C3orf52: variants seen among roughly 807,000 people sequenced by gnomAD.
C3orf52 encodes TPA-induced transmembrane protein.
Under a neutral mutation model 24.8 loss-of-function variants are expected in C3orf52, and 22 were observed. That is an observed-to-expected ratio of 0.89 (90% CI 0.63 to 1.27). C3orf52 has a LOEUF of 1.27. C3orf52 is among the 50% of genes most tolerant of loss of function. The probability of loss-of-function intolerance (pLI) is 0.00; values close to 1 mark genes in which losing one functional copy is unlikely to be tolerated. For missense variants in C3orf52, 265 were observed against 260.7 expected (o/e 1.02, Z -0.11); for synonymous variants, 93 against 100.2 (o/e 0.93, Z 0.43).
intron 1 of C3orf52, among the ~76,000 whole-genome samples, chr3:112,092,074 C>T (rs1253225687): frequency 6.6e-6 from 1 of 151,328 alleles, no homozygotes; most frequent in African/African-American, 2.4e-5. Flanking sequence ...CGGTCAGGAG[C>T]GAGTCTCCTC....
In C3orf52 at chr3:112,126,757, C is replaced by T. The variant is rs2074329934; in HGVS notation, c.*47-1476C>T. Among the ~76,000 whole-genome samples the T allele has an allele frequency of 2.6e-5, 4 of 152,316 alleles. No homozygotes were observed. In the South Asian group the frequency reaches 8.3e-4, roughly 32 times the overall value. ...CTTGCCCCCAGTTACTGCCTTCAGCCTCCAGGCCTCAGGCACTAACTGAGG... is the reference window on the plus strand; with the variant it reads ...CTTGCCCCCAGTTACTGCCTTCAGCTTCCAGGCCTCAGGCACTAACTGAGG... On this transcript the variant is annotated intron_variant, in intron 4 of 4. Coordinates refer to the C3orf52 transcript ENST00000480282.
At chr3:112,114,092 C>T (rs1056845623) in intron 5 of C3orf52, among the ~76,000 whole-genome samples, 2 of 152,122 alleles carry the variant, frequency 1.3e-5, no homozygotes, top group African/African-American at 2.4e-5. Flanking sequence ...GGTGCATTAA[C>T]GGTCTAGAAT....
chr3:112,101,775 T>A (rs2073973850), intron 2 of C3orf52, among the ~76,000 whole-genome samples: 1 of 152,218 alleles, frequency 6.6e-6, no homozygotes, highest in Non-Finnish European at 1.5e-5. Context: ...TCTTAAAGTC[T>A]ATGGCAATAT....
At chr3:112,121,088 A>G (rs1244374155), downstream of C3orf52, 7 of 152,328 alleles carry the variant, frequency 4.6e-5, no homozygotes, top group East Asian at 5.8e-4. Context: ...TAATTACATT[A>G]TAAGAACAAC....
intron 4 of C3orf52, chr3:112,125,278 T>C: frequency 6.5e-7 from 1 of 1,532,520 alleles, no homozygotes; most frequent in East Asian, 2.2e-5. Flanking sequence ...ATACACTCAA[T>C]GAATTTCAGG....
At chr3:112,130,300 T>A, downstream of C3orf52, 1 of 712,218 alleles carries the variant, frequency 1.4e-6, no homozygotes, top group Non-Finnish European at 2.5e-6. Context: ...ATTTTATCTT[T>A]TGTCCTGTCT....
At chr3:112,106,905 A>G (rs1183993319) in intron 3 of C3orf52, among the ~76,000 whole-genome samples, 1 of 152,178 alleles carries the variant, frequency 6.6e-6, no homozygotes, top group African/African-American at 2.4e-5. Flanking sequence ...CAGCTAATCA[A>G]TTCGCTGAGC....
At chr3:112,092,315 A>G (rs1219113064) in intron 1 of C3orf52, among the ~76,000 whole-genome samples, 2 of 152,228 alleles carry the variant, frequency 1.3e-5, no homozygotes, top group African/African-American at 4.8e-5. Flanking sequence ...TTTAAGTGGT[A>G]TATCTTGGTT....
chr3:112,098,793 TA>T (rs1367795034), intron 2 of C3orf52, among the ~76,000 whole-genome samples: 2 of 152,190 alleles, frequency 1.3e-5, no homozygotes, highest in Non-Finnish European at 2.9e-5. Context: ...TTCTATGGTA[TA>T]AGGGGAAAGG....
At chr3:112,110,101 G>C (rs1047711681) in intron 4 of C3orf52, among the ~76,000 whole-genome samples, 1 of 152,128 alleles carries the variant, frequency 6.6e-6, no homozygotes, top group Non-Finnish European at 1.5e-5. Flanking sequence ...AGGCCAAGGC[G>C]GGCAGATCAC....
In C3orf52 at chr3:112,099,754, C is replaced by T. The variant is rs117165328; in HGVS notation, c.269-3084C>T. Among the ~76,000 whole-genome samples the T allele has an allele frequency of 5.9e-3, 894 of 152,250 alleles. 20 individuals carry two copies. Among genetic ancestry groups the T allele is most frequent in the East Asian group, 0.05 (261 of 5,180 alleles). ...GTTCCTGGGCTTGATATCTTGGAAA[C>T]CTTTTTGATTTCTTCTTTCTCATAT... On this transcript the variant is annotated intron_variant, in intron 2 of 5. Coordinates refer to ENST00000264848, the MANE Select transcript of C3orf52 (RefSeq NM_024616.3).
intron 3 of C3orf52, among the ~76,000 whole-genome samples, chr3:112,107,885 C>T (rs528236401): frequency 1.1e-4 from 16 of 152,290 alleles, no homozygotes; most frequent in African/African-American, 3.9e-4. Flanking sequence ...TGTGGAAGTG[C>T]AGCGTCCTTG....
At chr3:112,111,887 T>C (rs1416243937) in intron 4 of C3orf52, 3 of 152,354 alleles carry the variant, frequency 2.0e-5, no homozygotes, top group East Asian at 3.9e-4. Context: ...TCATTTGATC[T>C]GCAGGATCTG....
Position 112,127,043 on chromosome 3 carries a change from A to C in C3orf52, c.*47-1190A>C, listed in dbSNP as rs370966231. 40 of 1,556,446 alleles carry C rather than the reference A, an allele frequency of 2.6e-5. No individual in the cohort carries two copies. Among genetic ancestry groups the C allele is most frequent in the African/African-American group, 8.1e-5 (6 of 73,626 alleles). On this transcript the variant is annotated intron_variant, in intron 4 of 4. Transcript: ENST00000480282. Reference sequence around the variant, plus strand: ...AATGAGTATTTTTTTCCTGTAAAAGAAAAGCAAAGCAAATTGTTTTAATAT... The same window carrying C: ...AATGAGTATTTTTTTCCTGTAAAAGCAAAGCAAAGCAAATTGTTTTAATAT...
intron 3 of C3orf52, among the ~76,000 whole-genome samples, chr3:112,106,116 T>G (rs1046011583): frequency 1.3e-5 from 2 of 152,226 alleles, no homozygotes; most frequent in Non-Finnish European, 2.9e-5. Flanking sequence ...TTCAGCCACC[T>G]GGGAGCTCTC....
chr3:112,102,863 T>G lies in C3orf52; in HGVS notation c.294T>G (p.Asn98Lys), dbSNP rs1413919310. The change falls in exon 3 of 6, where the codon AAT becomes AAG. Residue 98 changes from asparagine (N) to lysine (K), a missense_variant. By Grantham distance (94) the Asn-to-Lys change is moderately conservative (BLOSUM62 0). Transcript: ENST00000264848. ...TAACTTATGTTGATGAAGATGAAAA[T>G]GAAATACTTGAATTATCATCAAACA... ...AAVTYVDEDE[N>K]EILELSSNKT... 4 of 1,576,168 alleles carry G rather than the reference T, an allele frequency of 2.5e-6. No homozygotes were observed. Among genetic ancestry groups the G allele is most frequent in the Non-Finnish European group, 3.4e-6 (4 of 1,159,704 alleles).
chr3:112,126,256 T>G (rs2107804412), intron 4 of C3orf52, among the ~76,000 whole-genome samples: 1 of 152,282 alleles, frequency 6.6e-6, no homozygotes, highest in African/African-American at 2.4e-5. Context: ...AGGGCTAGAT[T>G]TTAAGATTCT....
At chr3:112,086,687 T>A in intron 1 of C3orf52, 142 bp downstream of exon 1, 1 of 1,087,908 alleles carries the variant, frequency 9.2e-7, no homozygotes, top group Non-Finnish European at 1.3e-6. Context: ...TCGAGTGCTC[T>A]GAATGGAGCC....
chr3:112,089,992 G>T (rs765303663), intron 1 of C3orf52, among the ~76,000 whole-genome samples: 5 of 152,196 alleles, frequency 3.3e-5, no homozygotes, highest in Non-Finnish European at 7.3e-5. Context: ...TCTCCGGAAG[G>T]CACCTTGCAG....
Sources: allele counts gnomAD v4.1 joint callset (sites outside exome capture counted in the v4.1 genomes callset), GRCh38; gene constraint gnomAD v4.1.1; transcripts MANE v1.5; gene names NCBI Gene and HGNC (gene_info 2026-07-23, HGNC 2026-07-21).